Variants in PCDH15 observed in about 807,000 individuals in gnomAD.
The protein encoded by PCDH15 is protocadherin related 15.
A neutral mutation model predicts 178.5 loss-of-function variants in PCDH15; 129 were observed. That is an observed-to-expected ratio of 0.72 (90% CI 0.63 to 0.84). PCDH15 has a LOEUF of 0.84. Ranked by LOEUF, PCDH15 falls within the 40% of genes least tolerant of loss-of-function variation. The pLI, the probability that PCDH15 is intolerant of heterozygous loss-of-function variation, is 0.00. For synonymous variants in PCDH15, 800 were observed against 732.0 expected (o/e 1.09, Z -1.50); for missense variants, 2,230 against 2,099.9 (o/e 1.06, Z -1.21).
At chr10:53,937,751 C>T (rs2085703757) in intron 25 of PCDH15, among the ~76,000 whole-genome samples, 1 of 152,136 alleles carries the variant, frequency 6.6e-6, no homozygotes, top group Admixed American at 6.6e-5. Flanking sequence ...TTCTGTCCTG[C>T]ATCTTCTGCC....
chr10:54,133,039 A>G, intron 14 of PCDH15, 32 bp from the exon 15 acceptor site: 1 of 1,613,698 alleles, frequency 6.2e-7, no homozygotes, highest in South Asian at 1.1e-5. Flanking sequence ...GAAGATGGTT[A>G]CGAATCTGCA....
chr10:55,557,541 T>C (rs1842115457), intron 2 of PCDH15, among the ~76,000 whole-genome samples: 1 of 152,092 alleles, frequency 6.6e-6, no homozygotes, highest in African/African-American at 2.4e-5. Context: ...CATGAGACGA[T>C]AGCCCCCTTG....
chr10:55,352,953 A>G (rs1844978396), intron 2 of PCDH15, among the ~76,000 whole-genome samples: 1 of 152,154 alleles, frequency 6.6e-6, no homozygotes, highest in African/African-American at 2.4e-5. Flanking sequence ...AGATGCACCA[A>G]AAACTGCAAC....
chr10:54,194,111 AC>A (rs2049322161), intron 11 of PCDH15, among the ~76,000 whole-genome samples: 1 of 151,962 alleles, frequency 6.6e-6, no homozygotes, highest in South Asian at 2.1e-4. Context: ...GCAAAGAGAA[AC>A]AAAAGAATAA....
At chr10:54,846,659 C>A (rs761468528) in intron 3 of PCDH15, among the ~76,000 whole-genome samples, 9 of 151,804 alleles carry the variant, frequency 5.9e-5, no homozygotes. Context: ...ATAGGAATTG[C>A]GAGGAAAGGA....
At chr10:55,569,516 G>C (rs1842366463) in intron 2 of PCDH15, among the ~76,000 whole-genome samples, 1 of 151,284 alleles carries the variant, frequency 6.6e-6, no homozygotes. Context: ...AAAACAAACA[G>C]AAATTTCCAA....
intron 2 of PCDH15, among the ~76,000 whole-genome samples, chr10:54,941,871 T>C (rs1313817484): frequency 6.6e-6 from 1 of 152,064 alleles, no homozygotes; most frequent in African/African-American, 2.4e-5. Flanking sequence ...GCCTTGGGAA[T>C]GTGCATATTC....
intron 29 of PCDH15, among the ~76,000 whole-genome samples, chr10:53,839,987 A>C (rs2077541900): frequency 6.6e-6 from 1 of 152,198 alleles, no homozygotes; most frequent in East Asian, 1.9e-4. Context: ...CCTCTTTAAG[A>C]ATCTGTGCTT....
chr10:54,921,928 A>C (rs962220493), intron 2 of PCDH15, among the ~76,000 whole-genome samples: 2 of 152,190 alleles, frequency 1.3e-5, no homozygotes, highest in African/African-American at 4.8e-5. Context: ...GGAGCAGAAG[A>C]GAAAGGGAGT....
intron 1 of PCDH15, among the ~76,000 whole-genome samples, chr10:54,718,684 C>T (rs986467481): frequency 1.4e-4 from 16 of 111,474 alleles, no homozygotes; most frequent in East Asian, 2.6e-4. Flanking sequence ...CACACTGATT[C>T]TTTTTTTTTT....
rs773113300 is a variant in PCDH15, at chr10:54,225,364, A to AT, written c.986-11317dup. On this transcript the variant is annotated intron_variant, in intron 9 of 37. Transcript: ENST00000644397. Reference sequence around the variant, plus strand: ...CTATGTTATTACTAATAGAACCAACATTTTTTCTGACTACGTAGATTCAAA... The same window carrying AT: ...CTATGTTATTACTAATAGAACCAACATTTTTTTCTGACTACGTAGATTCAAA... Among the ~76,000 whole-genome samples, 30 of 152,112 alleles carry AT rather than the reference A, an allele frequency of 2.0e-4. 1 individual carries two copies. The highest frequency in any genetic ancestry group is 1.9e-3 in the Admixed American group (29 of 15,264).
intron 2 of PCDH15, among the ~76,000 whole-genome samples, chr10:55,483,739 C>A (rs1163698078): frequency 6.7e-6 from 1 of 150,270 alleles, no homozygotes; most frequent in Admixed American, 6.7e-5. Flanking sequence ...TCACTTGAAC[C>A]TGGGAGGCAG....
intron 2 of PCDH15, among the ~76,000 whole-genome samples, chr10:54,940,536 T>C (rs1288786622): frequency 6.6e-6 from 1 of 152,176 alleles, no homozygotes; most frequent in Non-Finnish European, 1.5e-5. Flanking sequence ...CTCTCTTAGA[T>C]CTAGATCTAG....
At chr10:54,628,934 A>C (rs1246732154) in intron 2 of PCDH15, among the ~76,000 whole-genome samples, 1 of 152,150 alleles carries the variant, frequency 6.6e-6, no homozygotes, top group Non-Finnish European at 1.5e-5. Context: ...CTAATTAGTG[A>C]GCACTTCTCC....
rs529615593 is a variant in PCDH15 at position 54,591,672 on chromosome 10, C to T, written c.92-63795G>A. 8.5e-5 allele frequency among the ~76,000 whole-genome samples: 13 copies of T among 152,174 alleles called. No individual in the cohort carries two copies. The East Asian group carries it at 1.7e-3, about 20-fold the overall frequency. ...ATTTTAAAATACATTTTAAAAAGAA[C>T]TTCAACATGCCAATATCTAATGAAT... On this transcript the variant is annotated intron_variant, in intron 2 of 37. Transcript: ENST00000644397.
At position 54,538,205 on chromosome 10, in the gene PCDH15, T is replaced by C. The variant is rs190838087; in HGVS notation, c.92-10328A>G. On this transcript the variant is annotated intron_variant, in intron 2 of 37. Transcript: ENST00000644397. ...TCTTTGTAAATGCAAACATCAAGGA[T>C]AGTGTTTCCTAGGCTTCCTTTTAAG... Among the ~76,000 whole-genome samples, 204 of 152,276 alleles carry C rather than the reference T, an allele frequency of 1.3e-3. 5 individuals carry two copies. The highest frequency in any genetic ancestry group is 0.012 in the Admixed American group (188 of 15,294).
chr10:54,173,328 T>A (rs2047097142), intron 13 of PCDH15, among the ~76,000 whole-genome samples: 1 of 152,072 alleles, frequency 6.6e-6, no homozygotes, highest in South Asian at 2.1e-4. Flanking sequence ...ATACTTTAAA[T>A]GCTCTACACA....
intron 8 of PCDH15, among the ~76,000 whole-genome samples, chr10:54,302,245 G>A (rs2060189765): frequency 2.6e-5 from 4 of 152,092 alleles, no homozygotes; most frequent in Non-Finnish European, 4.4e-5. Flanking sequence ...TTATTTAGGT[G>A]GTAAAATCAG....
chr10:55,454,281 TG>T (rs1371301101), intron 2 of PCDH15, among the ~76,000 whole-genome samples: 1 of 152,158 alleles, frequency 6.6e-6, no homozygotes, highest in African/African-American at 2.4e-5. Context: ...TTAGCAAAGT[TG>T]TTTTTTTCTT....
Sources: allele counts gnomAD v4.1 joint callset (sites outside exome capture counted in the v4.1 genomes callset), GRCh38; gene constraint gnomAD v4.1.1; transcripts MANE v1.5; gene names NCBI Gene and HGNC (gene_info 2026-07-23, HGNC 2026-07-21).